GABPA: variants seen among roughly 807,000 people sequenced by gnomAD.
GABPA encodes GA binding protein transcription factor subunit alpha.
In GABPA, 4 loss-of-function variants were observed where a neutral mutation model predicts 59.4. The observed-to-expected ratio is 0.07, with a 90% CI of 0.03 to 0.15. The LOEUF (loss-of-function observed/expected upper bound fraction) is 0.15. GABPA is among the 10% of genes least tolerant of loss of function. GABPA has a pLI of 1.00. For synonymous variants in GABPA, 164 were observed against 183.1 expected, an observed-to-expected ratio of 0.90 and a Z score of 0.84; for missense variants, 251 against 543.8, an observed-to-expected ratio of 0.46 and a Z score of 5.36.
In GABPA at chr21:25,764,349, A is replaced by G. The variant is rs1210949273; in HGVS notation, c.942A>G (p.Thr314=). The G allele has an allele frequency of 1.2e-6, 2 of 1,600,718 alleles. No individual in the cohort carries two copies. Among genetic ancestry groups the G allele is most frequent in the African/African-American group, 2.7e-5 (2 of 73,956 alleles). Residue 314 remains threonine, a splice_region_variant and synonymous_variant, in exon 8 of 10, where the codon ACA becomes ACG. Transcript: ENST00000400075. ...GEDRSSPGNR[T]GNNGQIQLWQ... ...ATAGAAGCTCACCTGGGAACAGAACAGGTATTTTTGTATTTTCTTGTATTT... is the reference window on the plus strand; with the variant it reads ...ATAGAAGCTCACCTGGGAACAGAACGGGTATTTTTGTATTTTCTTGTATTT...
At chr21:25,768,447 T>G (rs2829903) in intron 9 of GABPA, among the ~76,000 whole-genome samples, 30,753 of 151,890 alleles carry the variant, frequency 0.2, 4,337 homozygotes, top group African/African-American at 0.39. Flanking sequence ...TAATTTTTTT[T>G]ATATTATCGA....
chr21:25,744,047 A>AG (rs1254931853), intron 2 of GABPA, among the ~76,000 whole-genome samples: 1 of 132,240 alleles, frequency 7.6e-6, no homozygotes, highest in African/African-American at 3.6e-5. Flanking sequence ...TGTCTCAAAA[A>AG]AAAAAAAAAA....
At chr21:25,744,419 A>T (rs1219755742) in intron 2 of GABPA, among the ~76,000 whole-genome samples, 1 of 152,206 alleles carries the variant, frequency 6.6e-6, no homozygotes, top group African/African-American at 2.4e-5. Flanking sequence ...CTTGTAATTT[A>T]TGTGAAAACT....
Position 25,762,300 on chromosome 21 carries a change from TG to T in GABPA, c.749-11del, listed in dbSNP as rs1399240406. The stretch of plus-strand genomic sequence containing the variant: ...GTTTTAAATAAAAACAAAAAATTTT[TG>T]TTTTTTTCAGATGTATTGGCAAGTC... On this transcript the variant is annotated splice_polypyrimidine_tract_variant and intron_variant, in intron 6 of 9. Coordinates refer to ENST00000400075, the MANE Select transcript of GABPA (RefSeq NM_002040.4). 2.0e-6 allele frequency: 3 copies of T among 1,500,494 alleles called. No homozygotes were observed. Among genetic ancestry groups the T allele is most frequent in the Non-Finnish European group, 9.1e-7 (1 of 1,104,050 alleles). 92.9% of individuals were successfully genotyped at this position (1,500,494 alleles called of 1,614,324 possible).
chr21:25,746,126 C>G (rs1190588120), intron 3 of GABPA, among the ~76,000 whole-genome samples: 1 of 151,902 alleles, frequency 6.6e-6, no homozygotes, highest in African/African-American at 2.4e-5. Flanking sequence ...ATCCTCCTGC[C>G]TCAGCCTCCT....
chr21:25,765,684 A>C (rs912416039), intron 9 of GABPA, among the ~76,000 whole-genome samples: 1 of 152,052 alleles, frequency 6.6e-6, no homozygotes, highest in Middle Eastern at 3.4e-3. Context: ...CAAAATGCTT[A>C]TCCTTTACCA....
intron 3 of GABPA, among the ~76,000 whole-genome samples, chr21:25,747,898 G>T (rs1007833027): frequency 2.0e-5 from 3 of 151,922 alleles, no homozygotes; most frequent in Non-Finnish European, 4.4e-5. Context: ...TGTCTACAAG[G>T]TTACAAGGTT....
At chr21:25,743,579 A>G (rs918545084) in intron 2 of GABPA, among the ~76,000 whole-genome samples, 1 of 147,734 alleles carries the variant, frequency 6.8e-6, no homozygotes, top group Non-Finnish European at 1.5e-5. Flanking sequence ...GTAGTATGAG[A>G]TCATCTTTTT....
Position 25,757,996 on chromosome 21 carries a change from A to G in GABPA, c.554-14A>G, listed in dbSNP as rs2035677588. The stretch of plus-strand genomic sequence containing the variant: ...AAAATGGAACTAGGCTAAAGTGAAT[A>G]TTTTTCTTTCTAGATCCCATACAGT... On this transcript the variant is annotated splice_polypyrimidine_tract_variant and intron_variant, in intron 5 of 9. Transcript: ENST00000400075. 6.5e-7 allele frequency: 1 copy of G among 1,527,596 alleles called. No homozygotes were observed. The highest frequency in any genetic ancestry group is 1.4e-5 in the African/African-American group (1 of 71,344). 94.6% of individuals were successfully genotyped at this position (1,527,596 alleles called of 1,614,324 possible). A position where few individuals can be genotyped will look rare whatever the true frequency, so the allele number is the denominator to read the frequency against.
chr21:25,759,595 A>C (rs1779160611), intron 6 of GABPA, among the ~76,000 whole-genome samples: 1 of 152,172 alleles, frequency 6.6e-6, no homozygotes, highest in Non-Finnish European at 1.5e-5. Flanking sequence ...GGATTCTCCC[A>C]GATGTTTTTT....
At position 25,745,136 on chromosome 21, in the gene GABPA, G is replaced by A. The variant is rs2035329106; in HGVS notation, c.78-74G>A. 5.3e-6 allele frequency: 8 copies of A among 1,523,722 alleles called. No homozygotes were observed. In the Admixed American group the frequency reaches 1.3e-4, roughly 24 times the overall value. 94.4% of individuals were successfully genotyped at this position (1,523,722 alleles called of 1,614,324 possible). A position where few individuals can be genotyped will look rare whatever the true frequency, so the allele number is the denominator to read the frequency against. On this transcript the variant is annotated intron_variant, in intron 2 of 9. Coordinates refer to ENST00000400075, the MANE Select transcript of GABPA (RefSeq NM_002040.4). ...GAAATGTGTTTTGGTTTGGGATTGT[G>A]TTTTTAGCATATTGTTGCTTTGAAA...
At chr21:25,750,641 A>G (rs2035487183) in intron 4 of GABPA, among the ~76,000 whole-genome samples, 1 of 152,222 alleles carries the variant, frequency 6.6e-6, no homozygotes, top group Admixed American at 6.5e-5. Flanking sequence ...CTGAACATAT[A>G]TTGTTCACAA....
intron 4 of GABPA, among the ~76,000 whole-genome samples, chr21:25,749,443 G>T (rs996021494): frequency 1.3e-5 from 2 of 152,180 alleles, no homozygotes; most frequent in African/African-American, 4.8e-5. Flanking sequence ...GGAAGCTGCT[G>T]CCCTGCCATG....
At position 25,735,235 on chromosome 21, in the gene GABPA, G is replaced by A. The variant is rs866474894; in HGVS notation, c.-370G>A. On this transcript the variant is annotated 5_prime_UTR_variant, in exon 1 of 10. Transcript: ENST00000400075. ...TCCGAGTCAGCGTCCTGTTCGTTAG[G>A]GTTATCGAAGTGTATAAAGGTGCAG... 7.0e-6 allele frequency: 4 copies of A among 574,858 alleles called. No homozygotes were observed. Among genetic ancestry groups the A allele is most frequent in the Non-Finnish European group, 1.3e-5 (4 of 319,426 alleles). The allele number at this position is 574,858 out of a possible 1,614,324, so 35.6% of individuals were successfully genotyped here. A position where few individuals can be genotyped will look rare whatever the true frequency, so the allele number is the denominator to read the frequency against.
At chr21:25,740,353 C>T (rs1023920575) in intron 1 of GABPA, among the ~76,000 whole-genome samples, 1 of 152,100 alleles carries the variant, frequency 6.6e-6, no homozygotes, top group Admixed American at 6.5e-5. Context: ...GTCGAAATAC[C>T]AAATTTAGTG....
intron 6 of GABPA, among the ~76,000 whole-genome samples, chr21:25,759,391 A>G (rs1046316634): frequency 1.4e-4 from 21 of 152,094 alleles, no homozygotes; most frequent in Admixed American, 4.6e-4. Context: ...CCGTAATTCA[A>G]TGCTTGCAGT....
chr21:25,737,179 C>T (rs1274813782), intron 1 of GABPA, among the ~76,000 whole-genome samples: 2 of 152,194 alleles, frequency 1.3e-5, no homozygotes, highest in East Asian at 1.9e-4. Context: ...TCCAGCAGAA[C>T]CAGAGTGTCA....
chr21:25,763,370 C>T (rs759632246), intron 7 of GABPA: 11 of 217,996 alleles, frequency 5.0e-5, no homozygotes, highest in Non-Finnish European at 8.5e-5. Context: ...GTCACAAGAT[C>T]ATCCCAACCG....
chr21:25,755,432 T>TAAAAAAAA (rs968729001), intron 5 of GABPA, among the ~76,000 whole-genome samples: 1 of 85,788 alleles, frequency 1.2e-5, no homozygotes, highest in African/African-American at 3.9e-5. Context: ...CAAGACTGTC[T>TAAAAAAAA]AAAAAAAAAA....
Sources: gnomAD v4.1 joint callset for allele counts (sites outside exome capture counted in the v4.1 genomes callset) on GRCh38, gnomAD v4.1.1 for gene constraint, MANE v1.5 for transcripts, NCBI Gene and HGNC (gene_info 2026-07-23, HGNC 2026-07-21) for gene names.